Variants in IMMP2L observed in about 807,000 individuals in gnomAD.
IMMP2L encodes inner mitochondrial membrane peptidase subunit 2, also known as mitochondrial inner membrane protease subunit 2.
Under a neutral mutation model 19.3 loss-of-function variants are expected in IMMP2L, and 18 were observed. That is an observed-to-expected ratio of 0.93 (90% CI 0.64 to 1.38). IMMP2L has a LOEUF of 1.38. Ranked by LOEUF, IMMP2L falls within the 40% of genes most tolerant of loss-of-function variation. The pLI, the probability that IMMP2L is intolerant of heterozygous loss-of-function variation, is 0.00. For missense variants in IMMP2L, 233 were observed against 218.2 expected (o/e 1.07, Z -0.43); for synonymous variants, 76 against 73.0 (o/e 1.04, Z -0.21).
chr7:110,998,395 T>A (rs59790783), intron 3 of IMMP2L, among the ~76,000 whole-genome samples: 13,077 of 152,204 alleles, frequency 0.086, 807 homozygotes, highest in East Asian at 0.19. Context: ...TAGGTTGGGG[T>A]TGTTACTAGA....
intron 3 of IMMP2L, chr7:111,411,506 G>A (rs997566871): frequency 2.3e-6 from 1 of 438,716 alleles, no homozygotes; most frequent in Non-Finnish European, 4.5e-6. Context: ...TGACATTATG[G>A]AGAACTGCTT....
At position 111,124,628 on chromosome 7, in the gene IMMP2L, A is replaced by G. The variant is rs138336165; in HGVS notation, c.240-161063T>C. On this transcript the variant is annotated intron_variant, in intron 3 of 5. Coordinates refer to ENST00000405709, the MANE Select transcript of IMMP2L (RefSeq NM_032549.4). ...ACCAAAGGTTTGCACCCTGATCAAA[A>G]AGAGTATGAAAAGAATAATACCACA... 13 of 1,613,922 alleles carry G rather than the reference A, an allele frequency of 8.1e-6. No individual in the cohort carries two copies. In the African/African-American group the frequency reaches 1.7e-4, roughly 22 times the overall value.
chr7:111,522,331 A>C (rs113556075), intron 1 of IMMP2L, among the ~76,000 whole-genome samples: 1 of 152,100 alleles, frequency 6.6e-6, no homozygotes, highest in African/African-American at 2.4e-5. Context: ...ATCAAGCTAA[A>C]AAGTTTCTGT....
In IMMP2L at chr7:111,382,625, C is replaced by A. The variant is rs907048162; in HGVS notation, c.239+104613G>T. ...AGAGACCTGAGCATGTTCAAAAGCT[C>A]AGAAAAGCAATCAGTACAGAAAAGC... On this transcript the variant is annotated intron_variant, in intron 3 of 5. Transcript: ENST00000405709. 1.5e-4 allele frequency among the ~76,000 whole-genome samples: 23 copies of A among 152,102 alleles called. 1 individual carries two copies. The highest frequency in any genetic ancestry group is 2.9e-4 in the Non-Finnish European group (20 of 67,970).
chr7:111,005,750 C>G (rs1239253974), intron 3 of IMMP2L, among the ~76,000 whole-genome samples: 1 of 152,068 alleles, frequency 6.6e-6, no homozygotes, highest in Non-Finnish European at 1.5e-5. Flanking sequence ...ATGACAATTA[C>G]CCCTTCAGGA....
intron 3 of IMMP2L, among the ~76,000 whole-genome samples, chr7:111,114,185 T>C (rs1799569792): frequency 6.6e-6 from 1 of 151,758 alleles, no homozygotes; most frequent in African/African-American, 2.4e-5. Flanking sequence ...AAACAATGAT[T>C]TCTCTTACAA....
chr7:111,523,828 C>T (rs1846584540), intron 1 of IMMP2L, among the ~76,000 whole-genome samples: 1 of 152,086 alleles, frequency 6.6e-6, no homozygotes, highest in African/African-American at 2.4e-5. Flanking sequence ...CAGTCTTAAC[C>T]ACTATATTCC....
At position 111,531,113 on chromosome 7, in the gene IMMP2L, G is replaced by A. The variant is rs370744672; in HGVS notation, c.-2-9664C>T. On this transcript the variant is annotated intron_variant, in intron 1 of 5. Coordinates refer to ENST00000405709, the MANE Select transcript of IMMP2L (RefSeq NM_032549.4). ...ACTACAGGCGCCCACCACCACGCCC[G>A]GCTAATTTTGTTTTGGTATTTTTAG... Among the ~76,000 whole-genome samples, 7 of 151,784 alleles carry A rather than the reference G, an allele frequency of 4.6e-5. No homozygotes were observed. The East Asian group carries it at 5.8e-4, about 13-fold the overall frequency.
chr7:110,699,092 A>G (rs1407867251), intron 5 of IMMP2L, among the ~76,000 whole-genome samples: 1 of 152,128 alleles, frequency 6.6e-6, no homozygotes, highest in Non-Finnish European at 1.5e-5. Flanking sequence ...CTAAGTAGCT[A>G]AAACTTGGCA....
intron 5 of IMMP2L, among the ~76,000 whole-genome samples, chr7:110,701,748 T>C (rs1194150141): frequency 1.3e-5 from 2 of 152,086 alleles, no homozygotes; most frequent in African/African-American, 4.8e-5. Context: ...TTAATCCCAT[T>C]TTAAAGATGA....
intron 5 of IMMP2L, among the ~76,000 whole-genome samples, chr7:110,881,394 C>A (rs1308432865): frequency 6.6e-6 from 1 of 152,124 alleles, no homozygotes; most frequent in Non-Finnish European, 1.5e-5. Flanking sequence ...TGATGAAAAA[C>A]CACAAGGTAA....
intron 5 of IMMP2L, among the ~76,000 whole-genome samples, chr7:110,668,105 G>GT (rs1044184023): frequency 9.4e-5 from 14 of 148,908 alleles, no homozygotes; most frequent in East Asian, 5.9e-4. Context: ...TGAAGTCTGT[G>GT]TTTTTTTTTT....
At chr7:110,895,930 T>C (rs941405168) in intron 4 of IMMP2L, among the ~76,000 whole-genome samples, 3 of 152,144 alleles carry the variant, frequency 2.0e-5, no homozygotes, top group Admixed American at 6.5e-5. Flanking sequence ...GTCAGAATTT[T>C]ATGCAAACAC....
intron 3 of IMMP2L, among the ~76,000 whole-genome samples, chr7:111,418,692 C>T (rs1480277815): frequency 6.6e-6 from 1 of 151,598 alleles, no homozygotes; most frequent in Non-Finnish European, 1.5e-5. Flanking sequence ...ATATATTGAT[C>T]AAATCAAATG....
chr7:111,003,502 T>C (rs1823944397), intron 3 of IMMP2L, among the ~76,000 whole-genome samples: 1 of 151,918 alleles, frequency 6.6e-6, no homozygotes, highest in Non-Finnish European at 1.5e-5. Context: ...TTCTTAATAT[T>C]ATAAATTTCA....
chr7:111,450,200 G>T (rs1838977916), intron 3 of IMMP2L, among the ~76,000 whole-genome samples: 8 of 150,642 alleles, frequency 5.3e-5, no homozygotes, highest in Admixed American at 5.3e-4. Flanking sequence ...CACAGAATTG[G>T]AAAAAACTAC....
At chr7:111,011,051 G>A (rs1824891782) in intron 3 of IMMP2L, among the ~76,000 whole-genome samples, 1 of 152,054 alleles carries the variant, frequency 6.6e-6, no homozygotes. Context: ...GAGATCAGTA[G>A]ATGAGAGTAA....
rs1227019851 is a variant in IMMP2L at position 111,036,235 on chromosome 7, T to G, written c.240-72670A>C. 2.0e-5 allele frequency among the ~76,000 whole-genome samples: 3 copies of G among 152,098 alleles called. No individual in the cohort carries two copies. In the East Asian group the frequency reaches 5.8e-4, roughly 29 times the overall value. Reference sequence around the variant, plus strand: ...CTTTAAGTGCAAGATTTACCTTTCCTCCGAAACCTTCCTCTATAAACTGGG... The same window carrying G: ...CTTTAAGTGCAAGATTTACCTTTCCGCCGAAACCTTCCTCTATAAACTGGG... On this transcript the variant is annotated intron_variant, in intron 3 of 5. Coordinates refer to ENST00000405709, the MANE Select transcript of IMMP2L (RefSeq NM_032549.4).
At chr7:111,153,326 C>T (rs1189507703) in intron 3 of IMMP2L, among the ~76,000 whole-genome samples, 3 of 152,072 alleles carry the variant, frequency 2.0e-5, no homozygotes, top group Non-Finnish European at 4.4e-5. Flanking sequence ...TATATTGAGA[C>T]ATACTCTAAC....
Sources: gnomAD v4.1 joint callset for allele counts (sites outside exome capture counted in the v4.1 genomes callset) on GRCh38, gnomAD v4.1.1 for gene constraint, MANE v1.5 for transcripts, NCBI Gene and HGNC (gene_info 2026-07-23, HGNC 2026-07-21) for gene names.